Variants in ANKRD29 observed in about 807,000 individuals in gnomAD.
ANKRD29 encodes ankyrin repeat domain 29.
A neutral mutation model predicts 38.0 loss-of-function variants in ANKRD29; 32 were observed. That is an observed-to-expected ratio of 0.84 (90% CI 0.64 to 1.13). ANKRD29 has a LOEUF of 1.13. Ranked by LOEUF, ANKRD29 falls within the 50% of genes most tolerant of loss-of-function variation. The pLI is 0.00. For synonymous variants in ANKRD29, 135 were observed against 152.4 expected (o/e 0.89, Z 0.84); for missense variants, 357 against 377.9 (o/e 0.94, Z 0.46).
intron 1 of ANKRD29, among the ~76,000 whole-genome samples, chr18:23,653,524 C>T (rs943661540): frequency 2.0e-5 from 3 of 152,176 alleles, no homozygotes; most frequent in Non-Finnish European, 2.9e-5. Context: ...GCTAGGATTA[C>T]AGGCGTGAGC....
intron 9 of ANKRD29, among the ~76,000 whole-genome samples, chr18:23,602,444 T>C (rs185146868): frequency 6.6e-6 from 1 of 152,278 alleles, no homozygotes; most frequent in Admixed American, 6.5e-5. Flanking sequence ...TCAGTATCAC[T>C]CGAAGGCCTT....
chr18:23,629,827 G>T (rs370361972), intron 6 of ANKRD29, 26 bp downstream of exon 6: 17 of 1,604,044 alleles, frequency 1.1e-5, no homozygotes, highest in East Asian at 6.7e-5. Context: ...CCATGTGCTC[G>T]GGCAAATGTC....
At chr18:23,648,602 C>T (rs1217329205) in intron 2 of ANKRD29, 2 of 283,202 alleles carry the variant, frequency 7.1e-6, no homozygotes. Context: ...TTTTTGTTTC[C>T]CTTTTTAAAT....
intron 7 of ANKRD29, 112 bp downstream of exon 7, chr18:23,619,419 G>A: frequency 9.8e-7 from 1 of 1,022,034 alleles, no homozygotes; most frequent in Non-Finnish European, 1.4e-6. Flanking sequence ...CCTGCTCAAG[G>A]AAGGAGGTTG....
Position 23,603,406 on chromosome 18 carries a change from G to A in ANKRD29, c.823-2097C>T, listed in dbSNP as rs149738382. ...CCAGCACTTTGGGAGGCCAAGGCAA[G>A]TGGATCACCTGAGGTCACAAGTTTA... is the stretch of plus-strand genomic sequence containing the variant. On this transcript the variant is annotated intron_variant, in intron 9 of 9. Transcript: ENST00000592179. 8.9e-4 allele frequency among the ~76,000 whole-genome samples: 135 copies of A among 152,392 alleles called. 1 individual carries two copies. Among genetic ancestry groups the A allele is most frequent in the African/African-American group, 2.9e-3 (120 of 41,606 alleles).
At chr18:23,608,361 C>T (rs2059598436) in intron 9 of ANKRD29, among the ~76,000 whole-genome samples, 1 of 152,206 alleles carries the variant, frequency 6.6e-6, no homozygotes, top group Non-Finnish European at 1.5e-5. Context: ...CTGGCGGCTC[C>T]TCCCAGGTGT....
At chr18:23,631,857 G>T (rs1320148473) in intron 5 of ANKRD29, among the ~76,000 whole-genome samples, 1 of 152,118 alleles carries the variant, frequency 6.6e-6, no homozygotes, top group Non-Finnish European at 1.5e-5. Context: ...CATGATCCCC[G>T]GATGCTCCCT....
At chr18:23,617,531 A>G (rs185884447) in intron 8 of ANKRD29, among the ~76,000 whole-genome samples, 3 of 152,104 alleles carry the variant, frequency 2.0e-5, no homozygotes, top group Non-Finnish European at 4.4e-5. Context: ...AGGTAATGAC[A>G]GACTGTGGTT....
chr18:23,646,461 A>G (rs992405302), intron 2 of ANKRD29, 174 bp from the exon 3 acceptor site: 7 of 489,722 alleles, frequency 1.4e-5, no homozygotes, highest in Non-Finnish European at 2.2e-5. Context: ...GATGGGAAAA[A>G]GCAAAGTGAC....
chr18:23,617,021 C>G (rs955397348), intron 8 of ANKRD29, among the ~76,000 whole-genome samples: 1 of 151,852 alleles, frequency 6.6e-6, no homozygotes, highest in East Asian at 1.9e-4. Flanking sequence ...GAGTTCAAGA[C>G]CAGCCTGGCC....
intron 8 of ANKRD29, among the ~76,000 whole-genome samples, chr18:23,615,754 A>G (rs1286728634): frequency 6.6e-6 from 1 of 151,884 alleles, no homozygotes; most frequent in Non-Finnish European, 1.5e-5. Flanking sequence ...TTACCACAGC[A>G]GAGTTGGGGC....
chr18:23,630,967 C>CAA lies in ANKRD29; in HGVS notation c.430-1018_430-1017dup, dbSNP rs35627642. On this transcript the variant is annotated intron_variant, in intron 5 of 9. Transcript: ENST00000592179. ...TAGGGAACAAAGTGAGACCCTGTCT[C>CAA]AAAAAAAAAAAAAAAGAAAAAAAAG... 1.4e-3 allele frequency among the ~76,000 whole-genome samples: 122 copies of CAA among 89,534 alleles called. 2 individuals are homozygous for CAA. Among genetic ancestry groups the CAA allele is most frequent in the Middle Eastern group, 0.01 (2 of 196 alleles). The allele number at this position is 89,534 out of a possible 152,430, so 58.7% of individuals were successfully genotyped here.
At chr18:23,658,430 A>T (rs1385780011) in intron 1 of ANKRD29, among the ~76,000 whole-genome samples, 2 of 152,100 alleles carry the variant, frequency 1.3e-5, no homozygotes, top group African/African-American at 2.4e-5. Context: ...AAAACAAAAA[A>T]CTTGTGTGAT....
chr18:23,611,566 T>C lies in ANKRD29; in HGVS notation c.822+526A>G, dbSNP rs1015780016. On this transcript the variant is annotated intron_variant, in intron 9 of 9. Transcript: ENST00000592179. ...CGGGCATGGTGGTCTGCGCCGGTAA[T>C]CCCAGCTACTCAGGAGGCTGAGGCA... Among the ~76,000 whole-genome samples, 7 of 152,142 alleles carry C rather than the reference T, an allele frequency of 4.6e-5. No homozygotes were observed. In the South Asian group the frequency reaches 1.5e-3, roughly 32 times the overall value.
chr18:23,660,777 A>T (rs948103741), intron 1 of ANKRD29, among the ~76,000 whole-genome samples: 2 of 152,234 alleles, frequency 1.3e-5, no homozygotes, highest in African/African-American at 2.4e-5. Context: ...ACTGCACTCT[A>T]GCCTGGGTGA....
intron 3 of ANKRD29, among the ~76,000 whole-genome samples, chr18:23,641,993 G>A (rs2145714382): frequency 1.3e-5 from 2 of 152,208 alleles, no homozygotes; most frequent in South Asian, 4.2e-4. Context: ...TACCCACTAT[G>A]GGTCTCCTCT....
intron 2 of ANKRD29, chr18:23,647,518 G>C (rs1286361266): frequency 2.0e-5 from 3 of 151,998 alleles, no homozygotes; most frequent in Non-Finnish European, 4.4e-5. Context: ...CTTCTTAGTG[G>C]TGCTCTATGG....
At chr18:23,656,820 A>G (rs2060290360) in intron 1 of ANKRD29, among the ~76,000 whole-genome samples, 1 of 152,224 alleles carries the variant, frequency 6.6e-6, no homozygotes, top group Non-Finnish European at 1.5e-5. Context: ...GCTAATGCAA[A>G]TCTCAGACTG....
chr18:23,619,751 A>C, intron 6 of ANKRD29, 122 bp from the exon 7 acceptor site: 1 of 757,276 alleles, frequency 1.3e-6, no homozygotes, highest in South Asian at 1.9e-5. Flanking sequence ...CTGACCGCAG[A>C]TCACACTCTG....
Sources: gnomAD v4.1 joint callset for allele counts (sites outside exome capture counted in the v4.1 genomes callset) on GRCh38, gnomAD v4.1.1 for gene constraint, MANE v1.5 for transcripts, NCBI Gene and HGNC (gene_info 2026-07-23, HGNC 2026-07-21) for gene names.